The following FBRSL1 variants were observed in gnomAD, a reference collection of about 807,000 sequenced individuals.
The protein encoded by FBRSL1 is fibrosin-1-like protein.
A neutral mutation model predicts 89.6 loss-of-function variants in FBRSL1; 51 were observed. That is an observed-to-expected ratio of 0.57 (90% CI 0.45 to 0.72). The LOEUF is 0.72. FBRSL1 is among the 30% of genes least tolerant of loss of function. The pLI is 0.00. For missense variants in FBRSL1, 1,618 were observed against 1,451.8 expected (o/e 1.11, Z -1.86); for synonymous variants, 779 against 681.1 (o/e 1.14, Z -2.24).
chr12:132,560,432 G>T (rs1208269276), intron 5 of FBRSL1, among the ~76,000 whole-genome samples: 1 of 151,978 alleles, frequency 6.6e-6, no homozygotes, highest in African/African-American at 2.4e-5. Context: ...CGGCGCGGCC[G>T]AGGGTCCCAG....
intron 1 of FBRSL1, among the ~76,000 whole-genome samples, chr12:132,504,498 TGCAGGGCAGTGGCGTTGC>T (rs895545881): frequency 3.3e-5 from 5 of 152,118 alleles, no homozygotes; most frequent in East Asian, 3.9e-4. Context: ...CTGGCGCCAC[TGCAGGGCAGTGGCGTTGC>T]GCAGGGAGGG....
intron 1 of FBRSL1, among the ~76,000 whole-genome samples, chr12:132,498,216 C>T (rs1185569864): frequency 1.3e-5 from 2 of 152,158 alleles, no homozygotes; most frequent in African/African-American, 2.4e-5. Context: ...GGTCTCTCTC[C>T]GGGCCCCTCG....
At position 132,521,442 on chromosome 12, in the gene FBRSL1, G is replaced by A. The variant is rs543736491; in HGVS notation, c.490-4292G>A. On this transcript the variant is annotated intron_variant, in intron 2 of 18. Transcript: ENST00000680143. ...CTCTGCCCCATCTCCCAGGGGGCCT[G>A]TCCTTGGCCTGGCAGGTCTGAGGAA... is the stretch of plus-strand genomic sequence containing the variant. Among the ~76,000 whole-genome samples, 17 of 152,330 alleles carry A rather than the reference G, an allele frequency of 1.1e-4. No homozygotes were observed. The East Asian group carries it at 3.3e-3, about 29-fold the overall frequency.
At chr12:132,505,144 G>A (rs1383084544) in intron 1 of FBRSL1, among the ~76,000 whole-genome samples, 1 of 152,124 alleles carries the variant, frequency 6.6e-6, no homozygotes, top group African/African-American at 2.4e-5. Context: ...AAAGATAAGC[G>A]GGGCCTGACC....
At chr12:132,558,656 G>C (rs1306201038) in intron 5 of FBRSL1, among the ~76,000 whole-genome samples, 2 of 152,258 alleles carry the variant, frequency 1.3e-5, no homozygotes, top group East Asian at 3.8e-4. Flanking sequence ...TCCTGCGAAC[G>C]TTGGCGCCTT....
chr12:132,495,366 C>T (rs112608680), intron 1 of FBRSL1, among the ~76,000 whole-genome samples: 2 of 152,240 alleles, frequency 1.3e-5, no homozygotes, highest in Admixed American at 6.5e-5. Context: ...CTTGGACCTC[C>T]GGGGACCGCT....
intron 5 of FBRSL1, 37 bp downstream of exon 5, chr12:132,548,069 GC>G: frequency 3.2e-6 from 5 of 1,549,200 alleles, no homozygotes; most frequent in Non-Finnish European, 4.4e-6. Flanking sequence ...TCGGCTGACA[GC>G]CCTGCCCTTC....
intron 5 of FBRSL1, among the ~76,000 whole-genome samples, chr12:132,566,762 G>A (rs958677580): frequency 1.3e-5 from 2 of 151,376 alleles, no homozygotes; most frequent in Non-Finnish European, 3.0e-5. Flanking sequence ...GAGCTTGGCC[G>A]GCCGCAGGCA....
chr12:132,521,553 C>T (rs1178392333), intron 2 of FBRSL1, among the ~76,000 whole-genome samples: 2 of 152,192 alleles, frequency 1.3e-5, no homozygotes, highest in Non-Finnish European at 2.9e-5. Context: ...CGCTCCCAGG[C>T]CTGCAGGTGC....
chr12:132,531,001 G>A (rs549981253), intron 4 of FBRSL1, among the ~76,000 whole-genome samples: 3 of 150,696 alleles, frequency 2.0e-5, no homozygotes, highest in African/African-American at 4.9e-5. Flanking sequence ...GTGTGGGGGG[G>A]GGGGTGCAGG....
At position 132,521,891 on chromosome 12, in the gene FBRSL1, C is replaced by T. The variant is rs1404412061; in HGVS notation, c.490-3843C>T. Reference sequence around the variant, plus strand: ...GGTGCTCCACTTTGGGCGGGGCCTGCGCAGGACAGTGCGTGCTTAGAGCCT... The same window carrying T: ...GGTGCTCCACTTTGGGCGGGGCCTGTGCAGGACAGTGCGTGCTTAGAGCCT... On this transcript the variant is annotated intron_variant, in intron 2 of 18. Transcript: ENST00000680143. Among the ~76,000 whole-genome samples the T allele has an allele frequency of 4.6e-5, 7 of 152,136 alleles. No individual in the cohort carries two copies. In the East Asian group the frequency reaches 5.8e-4, roughly 13 times the overall value.
At position 132,490,250 on chromosome 12, in the gene FBRSL1, C is replaced by T. The variant is rs1450223573; in HGVS notation, c.-321C>T. ...TGCCGCCTGCCGCGCCCGCCCGGCC[C>T]CGCCCGCTCGGCCCGATCGCCGCGC... On this transcript the variant is annotated 5_prime_UTR_variant, in exon 1 of 19. Transcript: ENST00000680143. 1 of 144,696 alleles carries T rather than the reference C, an allele frequency of 6.9e-6. No individual in the cohort carries two copies. Among genetic ancestry groups the T allele is most frequent in the African/African-American group, 2.5e-5 (1 of 40,192 alleles). The allele number at this position is 144,696 out of a possible 1,614,324, so 9.0% of individuals were successfully genotyped here.
intron 5 of FBRSL1, among the ~76,000 whole-genome samples, chr12:132,555,894 C>A (rs971449490): frequency 6.6e-6 from 1 of 152,152 alleles, no homozygotes; most frequent in African/African-American, 2.4e-5. Context: ...CGCAGGCACT[C>A]GTGCCTGTGT....
intron 1 of FBRSL1, among the ~76,000 whole-genome samples, chr12:132,502,369 T>G (rs1010366171): frequency 6.6e-6 from 1 of 152,230 alleles, no homozygotes; most frequent in Non-Finnish European, 1.5e-5. Flanking sequence ...CCGGCCCTTA[T>G]GGCCACCCAG....
chr12:132,522,105 C>G (rs1361944523), intron 2 of FBRSL1, among the ~76,000 whole-genome samples: 1 of 152,120 alleles, frequency 6.6e-6, no homozygotes, highest in Non-Finnish European at 1.5e-5. Context: ...GCCCCTCAGC[C>G]TGGGGTGGTG....
intron 5 of FBRSL1, among the ~76,000 whole-genome samples, chr12:132,558,087 A>C (rs2038823424): frequency 6.9e-6 from 1 of 145,204 alleles, no homozygotes; most frequent in African/African-American, 2.6e-5. Flanking sequence ...ATGGACAGAA[A>C]TGACCTCGTC....
intron 6 of FBRSL1, among the ~76,000 whole-genome samples, chr12:132,569,516 AG>A (rs1344523920): frequency 6.6e-6 from 1 of 152,148 alleles, no homozygotes; most frequent in Non-Finnish European, 1.5e-5. Context: ...CTAGGTACAC[AG>A]GCCCTAGCTC....
intron 4 of FBRSL1, among the ~76,000 whole-genome samples, chr12:132,545,068 T>C (rs1448892815): frequency 4.6e-5 from 7 of 151,360 alleles, no homozygotes; most frequent in African/African-American, 1.5e-4. Context: ...TCGCCCAGCA[T>C]GGGGCCGTGC....
chr12:132,561,188 C>G (rs1341790333), intron 5 of FBRSL1, among the ~76,000 whole-genome samples: 1 of 152,330 alleles, frequency 6.6e-6, no homozygotes, highest in South Asian at 2.1e-4. Context: ...GCCGAGGACC[C>G]CTGGAGCACC....
Sources: gnomAD v4.1 joint callset for allele counts (sites outside exome capture counted in the v4.1 genomes callset) on GRCh38, gnomAD v4.1.1 for gene constraint, MANE v1.5 for transcripts, NCBI Gene and HGNC (gene_info 2026-07-23, HGNC 2026-07-21) for gene names.